Variants in ZNF407 observed in about 807,000 individuals in gnomAD.
ZNF407 encodes the protein zinc finger protein 407.
A neutral mutation model predicts 131.2 loss-of-function variants in ZNF407; 17 were observed. That is an observed-to-expected ratio of 0.13 (90% confidence interval 0.09 to 0.19). ZNF407 has a LOEUF of 0.19. ZNF407 is among the 10% of genes least tolerant of loss of function. The pLI, the probability that ZNF407 is intolerant of heterozygous loss-of-function variation, is 1.00. For synonymous variants in ZNF407, 1,156 were observed against 1,062.0 expected (o/e 1.09, Z -1.72); for missense variants, 2,681 against 2,830.6 (o/e 0.95, Z 1.20).
At chr18:74,804,532 A>C in intron 4 of ZNF407, 2 of 987,676 alleles carry the variant, frequency 2.0e-6, no homozygotes, top group Non-Finnish European at 2.4e-6. Flanking sequence ...ATACCAGGCT[A>C]AATACATTGC....
intron 8 of ZNF407, among the ~76,000 whole-genome samples, chr18:75,042,880 T>C (rs1441327633): frequency 1.3e-5 from 2 of 152,354 alleles, no homozygotes; most frequent in East Asian, 3.9e-4. Flanking sequence ...CCACTGCTCA[T>C]GTTCCCTCCT....
intron 8 of ZNF407, among the ~76,000 whole-genome samples, chr18:75,055,745 G>C (rs1176642339): frequency 6.6e-6 from 1 of 152,034 alleles, no homozygotes; most frequent in Non-Finnish European, 1.5e-5. Context: ...TTCTTTTCAG[G>C]GGTTTTATAT....
intron 7 of ZNF407, among the ~76,000 whole-genome samples, chr18:74,900,577 A>C (rs1213677201): frequency 1.3e-5 from 2 of 152,196 alleles, no homozygotes; most frequent in Non-Finnish European, 2.9e-5. Flanking sequence ...ACTTGCTTTC[A>C]ATATAGTCTT....
chr18:74,792,964 C>G (rs1311578142), intron 4 of ZNF407, among the ~76,000 whole-genome samples: 1 of 152,182 alleles, frequency 6.6e-6, no homozygotes, highest in East Asian at 1.9e-4. Flanking sequence ...CAGCTCTCCT[C>G]TCTTACTTAT....
intron 4 of ZNF407, among the ~76,000 whole-genome samples, chr18:74,817,606 T>G (rs1455454753): frequency 6.6e-6 from 1 of 152,240 alleles, no homozygotes; most frequent in Non-Finnish European, 1.5e-5. Context: ...AGTTATAAAT[T>G]AGTCTCAAAA....
At chr18:74,680,585 C>T (rs1375219760) in intron 3 of ZNF407, among the ~76,000 whole-genome samples, 1 of 152,034 alleles carries the variant, frequency 6.6e-6, no homozygotes, top group African/African-American at 2.4e-5. Context: ...ACAACTCCCG[C>T]CCCTCTGTTT....
chr18:74,798,413 T>C (rs9951058), intron 4 of ZNF407, among the ~76,000 whole-genome samples: 2,886 of 152,214 alleles, frequency 0.019, 85 homozygotes, highest in African/African-American at 0.059. Context: ...ATAATTTAAG[T>C]AGGAAGAACA....
chr18:75,005,473 G>C (rs1234898863), intron 8 of ZNF407, among the ~76,000 whole-genome samples: 1 of 151,942 alleles, frequency 6.6e-6, no homozygotes, highest in Non-Finnish European at 1.5e-5. Context: ...GTTATTTCTT[G>C]AGAGATTTAC....
rs140101619 is a variant in ZNF407 at position 75,016,688 on chromosome 18, T to C, written c.5429-46462T>C. ...GAATGTGTTATCATTGTGAGTAATT[T>C]TAATAGTGAACTTTCTCTTGGTGTA... On this transcript the variant is annotated intron_variant, in intron 8 of 8. Transcript: ENST00000299687. 3.5e-3 allele frequency among the ~76,000 whole-genome samples: 534 copies of C among 152,300 alleles called. 3 individuals are homozygous for C. The highest frequency in any genetic ancestry group is 0.012 in the African/African-American group (490 of 41,582).
intron 3 of ZNF407, among the ~76,000 whole-genome samples, chr18:74,651,753 C>T (rs1340385329): frequency 6.6e-6 from 1 of 152,086 alleles, no homozygotes; most frequent in Non-Finnish European, 1.5e-5. Flanking sequence ...GATATAAAGC[C>T]GAGGTGATCC....
At chr18:74,640,134 G>A (rs1247904408) in intron 2 of ZNF407, among the ~76,000 whole-genome samples, 1 of 151,984 alleles carries the variant, frequency 6.6e-6, no homozygotes, top group Non-Finnish European at 1.5e-5. Flanking sequence ...TGGAAATGGT[G>A]TATCTATTTT....
intron 1 of ZNF407, among the ~76,000 whole-genome samples, chr18:74,617,031 TC>T (rs1310980059): frequency 8.0e-6 from 1 of 125,626 alleles, no homozygotes; most frequent in African/African-American, 3.4e-5. Context: ...CATATCCATA[TC>T]CACACAGCAC....
At chr18:74,681,158 C>T (rs1195397069) in intron 3 of ZNF407, among the ~76,000 whole-genome samples, 1 of 152,024 alleles carries the variant, frequency 6.6e-6, no homozygotes, top group Non-Finnish European at 1.5e-5. Flanking sequence ...AGGACAAAGC[C>T]AGAGGAACCC....
At chr18:74,821,843 C>T (rs1432173993) in intron 4 of ZNF407, among the ~76,000 whole-genome samples, 1 of 152,292 alleles carries the variant, frequency 6.6e-6, no homozygotes, top group East Asian at 1.9e-4. Context: ...GAGGAAATGC[C>T]ACACTGTCTT....
intron 7 of ZNF407, among the ~76,000 whole-genome samples, chr18:74,896,092 G>A (rs1971450368): frequency 6.6e-6 from 1 of 152,026 alleles, no homozygotes; most frequent in Non-Finnish European, 1.5e-5. Flanking sequence ...GAGAATCAGA[G>A]GTTTCATTTA....
intron 8 of ZNF407, among the ~76,000 whole-genome samples, chr18:75,022,801 A>T (rs1209841370): frequency 6.6e-6 from 1 of 152,162 alleles, no homozygotes. Flanking sequence ...AACCAGAAAT[A>T]CCATTTGATC....
chr18:75,036,638 C>T (rs989891755), intron 8 of ZNF407, among the ~76,000 whole-genome samples: 7 of 152,294 alleles, frequency 4.6e-5, no homozygotes, highest in Admixed American at 4.6e-4. Flanking sequence ...AACATTGATA[C>T]TTAGGCATGC....
chr18:74,741,193 G>C (rs895625548), intron 3 of ZNF407, among the ~76,000 whole-genome samples: 11 of 152,092 alleles, frequency 7.2e-5, no homozygotes, highest in African/African-American at 2.4e-4. Flanking sequence ...GGTGAAATCA[G>C]GAATACGTTT....
intron 3 of ZNF407, among the ~76,000 whole-genome samples, chr18:74,728,532 A>G (rs1305107735): frequency 1.3e-5 from 2 of 152,160 alleles, no homozygotes; most frequent in Non-Finnish European, 2.9e-5. Flanking sequence ...AAAGATTATG[A>G]TGTGCCTGCT....
Sources: gnomAD v4.1 joint callset for allele counts (sites outside exome capture counted in the v4.1 genomes callset) on GRCh38, gnomAD v4.1.1 for gene constraint, MANE v1.5 for transcripts, NCBI Gene and HGNC (gene_info 2026-07-23, HGNC 2026-07-21) for gene names.